The following GPSM1 variants were observed in gnomAD, a reference collection of about 807,000 sequenced individuals.
The protein encoded by GPSM1 is G protein signaling modulator 1, also known as G protein-signaling modulator 1.
Under a neutral mutation model 70.5 loss-of-function variants are expected in GPSM1, and 48 were observed. The observed-to-expected ratio is 0.68, with a 90% CI of 0.54 to 0.87. The LOEUF (loss-of-function observed/expected upper bound fraction) is 0.87. GPSM1 is among the 40% of genes least tolerant of loss of function. The pLI, the probability that GPSM1 is intolerant of heterozygous loss-of-function variation, is 0.00. For missense variants in GPSM1, 981 were observed against 972.6 expected, an observed-to-expected ratio of 1.01 and a Z score of -0.11; for synonymous variants, 416 against 430.1, an observed-to-expected ratio of 0.97 and a Z score of 0.41.
intron 1 of GPSM1, among the ~76,000 whole-genome samples, chr9:136,331,425 G>T (rs1031845640): frequency 6.6e-6 from 1 of 152,044 alleles, no homozygotes; most frequent in Non-Finnish European, 1.5e-5. Context: ...GCTGGGGAGG[G>T]GGCCAGGTGG....
At chr9:136,336,293 C>T (rs1053345705) in intron 3 of GPSM1, among the ~76,000 whole-genome samples, 192 bp downstream of exon 3, 1 of 152,086 alleles carries the variant, frequency 6.6e-6, no homozygotes, top group Non-Finnish European at 1.5e-5. Context: ...CCAGCCCATG[C>T]TGACACTGCA....
intron 4 of GPSM1, 73 bp from the exon 5 acceptor site, chr9:136,337,368 T>A: frequency 1.3e-6 from 2 of 1,540,824 alleles, no homozygotes; most frequent in South Asian, 1.2e-5. Context: ...AGGCCGCTAC[T>A]CAGCTCTTCT....
intron 1 of GPSM1, chr9:136,332,006 G>A (rs1832110986): frequency 7.5e-6 from 3 of 398,432 alleles, no homozygotes; most frequent in Non-Finnish European, 1.3e-5. Flanking sequence ...GGGGCCTGGC[G>A]ATGCCATCCC....
intron 11 of GPSM1, among the ~76,000 whole-genome samples, chr9:136,353,727 G>T (rs1247744084): frequency 6.6e-6 from 1 of 152,208 alleles, no homozygotes; most frequent in African/African-American, 2.4e-5. Context: ...CCTGGGCCCC[G>T]GGTCACCTGG....
At position 136,353,222 on chromosome 9, in the gene GPSM1, C is replaced by T. The variant is rs1302017821; in HGVS notation, c.1456-2468C>T. The T allele has an allele frequency of 4.2e-5, 22 of 523,740 alleles. No individual in the cohort carries two copies. The South Asian group carries it at 1.4e-3, about 33-fold the overall frequency. The allele number at this position is 523,740 out of a possible 1,614,324, so 32.4% of individuals were successfully genotyped here. ...GGGAGCACACGGGCCTCTGTGAAGC[C>T]GGGTGGGGTGGTCTTGGGCCGGGTG... On this transcript the variant is annotated intron_variant, in intron 11 of 13. Transcript: ENST00000440944.
At chr9:136,352,062 C>T (rs1340031361) in intron 11 of GPSM1, among the ~76,000 whole-genome samples, 3 of 147,578 alleles carry the variant, frequency 2.0e-5, no homozygotes, top group Admixed American at 2.0e-4. Flanking sequence ...AATACTGCGC[C>T]GTTGCTGTTG....
rs782323759 is a variant in GPSM1 at position 136,337,558 on chromosome 9, C to T, written c.696C>T (p.His232=). The part of the protein sequence containing the change: ...LGNFTEATTF[H]KERLAIAKEF... ...ACTTCACAGAGGCCACGACCTTCCACAAGGAGGTGAGCCGGGCAGGGTGAC... is the reference window on the plus strand; with the variant it reads ...ACTTCACAGAGGCCACGACCTTCCATAAGGAGGTGAGCCGGGCAGGGTGAC... The change falls in exon 5 of 14, where the codon CAC becomes CAT. Residue 232 remains histidine (H), a synonymous_variant. Transcript: ENST00000440944. The T allele has an allele frequency of 2.7e-5, 42 of 1,556,742 alleles. 1 individual carries two copies. Among genetic ancestry groups the T allele is most frequent in the Middle Eastern group, 1.7e-4 (1 of 6,016 alleles).
At chr9:136,337,802 C>A (rs369139451) in intron 5 of GPSM1, 44 bp from the exon 6 acceptor site, 1 of 1,467,408 alleles carries the variant, frequency 6.8e-7, no homozygotes, top group Non-Finnish European at 9.5e-7. Flanking sequence ...CGTCAGGCCC[C>A]GGGGCTGCGC....
chr9:136,353,662 G>A (rs1832732345), intron 11 of GPSM1, among the ~76,000 whole-genome samples: 1 of 152,206 alleles, frequency 6.6e-6, no homozygotes, highest in Non-Finnish European at 1.5e-5. Context: ...CATGGGGCCT[G>A]GGACATGGCC....
rs782159569 is a variant in GPSM1 at position 136,349,759 on chromosome 9, G to C, written c.1451G>C (p.Arg484Pro). The C allele has an allele frequency of 1.3e-6, 2 of 1,576,806 alleles. No individual in the cohort carries two copies. The highest frequency in any genetic ancestry group is 1.3e-5 in the African/African-American group (1 of 74,280). ...DSADVRVHVP[R>P]TSIPRAPSSD... ...GCCGACGTCCGGGTGCACGTGCCACGCACGGTAGGCGTCTTTGACGGCAGA... is the reference window on the plus strand; with the variant it reads ...GCCGACGTCCGGGTGCACGTGCCACCCACGGTAGGCGTCTTTGACGGCAGA... Residue 484 changes from arginine (R) to proline (P), a missense_variant, in exon 11 of 14, where the codon CGC (arginine) becomes CCC (proline). By Grantham distance (103) the Arg-to-Pro change is moderately radical (BLOSUM62 -2). Coordinates refer to ENST00000440944, the MANE Select transcript of GPSM1 (RefSeq NM_001145638.3).
intron 10 of GPSM1, 134 bp downstream of exon 10, chr9:136,348,901 A>AG: frequency 1.5e-6 from 1 of 666,682 alleles, no homozygotes; most frequent in Non-Finnish European, 2.6e-6. Context: ...CCTCGGCCTG[A>AG]TGCCCTGCAT....
In GPSM1 at chr9:136,341,778, C is replaced by T. The variant is rs2131402564; in HGVS notation, c.1207+785C>T. On this transcript the variant is annotated intron_variant, in intron 9 of 13. Coordinates refer to ENST00000440944, the MANE Select transcript of GPSM1 (RefSeq NM_001145638.3). The surrounding 1 kb of genome is among the most constrained non-coding windows in gnomAD (Gnocchi z 6.7). ...GGGAACACCAGGCTTGGATGTGGTG[C>T]TGGGCTGCCGGAGTTTCTTTTTCTT... 1.0e-6 allele frequency: 1 copy of T among 985,254 alleles called. No individual in the cohort carries two copies. The highest frequency in any genetic ancestry group is 1.2e-6 in the Non-Finnish European group (1 of 829,824). The allele number at this position is 985,254 out of a possible 1,614,324, so 61.0% of individuals were successfully genotyped here.
chr9:136,334,911 T>C (rs1394939641), intron 2 of GPSM1, among the ~76,000 whole-genome samples: 1 of 152,112 alleles, frequency 6.6e-6, no homozygotes, highest in Non-Finnish European at 1.5e-5. Flanking sequence ...AGGTGGACGC[T>C]TCCTGTCCTC....
chr9:136,335,172 T>TGGCCCCA (rs1479290525), intron 2 of GPSM1, among the ~76,000 whole-genome samples: 5 of 152,040 alleles, frequency 3.3e-5, no homozygotes, highest in East Asian at 1.9e-4. Context: ...ACCCTTTCCC[T>TGGCCCCA]GGCCCCAGGC....
chr9:136,333,242 C>T (rs547900402), intron 1 of GPSM1, among the ~76,000 whole-genome samples: 138 of 152,300 alleles, frequency 9.1e-4, no homozygotes, highest in African/African-American at 2.9e-3. Context: ...GATGGGGGCC[C>T]GCCTGCTCAC....
rs1564361540 is a variant in GPSM1, at chr9:136,358,656, T to G, written c.*436T>G. On this transcript the variant is annotated 3_prime_UTR_variant, in exon 14 of 14. Transcript: ENST00000440944. ...TGTTCTGTCCCCCCAGAGCTGGTCT[T>G]GGGATGGCCGTGTGACAGGCATGCT... The G allele has an allele frequency of 4.2e-6, 1 of 240,604 alleles. No individual in the cohort carries two copies. Among genetic ancestry groups the G allele is most frequent in the Non-Finnish European group, 8.0e-6 (1 of 124,536 alleles). 14.9% of individuals were successfully genotyped at this position (240,604 alleles called of 1,614,324 possible).
chr9:136,357,907 G>C (rs1167660436), intron 13 of GPSM1, 107 bp from the exon 14 acceptor site: 11 of 805,390 alleles, frequency 1.4e-5, no homozygotes, highest in Non-Finnish European at 2.0e-5. Context: ...TGGACAGGGG[G>C]AAGCCCGTGA....
chr9:136,341,139 C>A lies in GPSM1; in HGVS notation c.1207+146C>A. The stretch of plus-strand genomic sequence containing the variant: ...CGCCTACAAGCCAGTTCTTCTTGGC[C>A]TCAGGGACAGCACAGGCCTGAGGTT... On this transcript the variant is annotated intron_variant, in intron 9 of 13. Coordinates refer to ENST00000440944, the MANE Select transcript of GPSM1 (RefSeq NM_001145638.3). The surrounding 1 kb of genome is among the most constrained non-coding windows in gnomAD (Gnocchi z 6.7). 1 of 1,550,128 alleles carries A rather than the reference C, an allele frequency of 6.5e-7. No individual in the cohort carries two copies. Among genetic ancestry groups the A allele is most frequent in the Non-Finnish European group, 8.7e-7 (1 of 1,146,872 alleles).
intron 9 of GPSM1, 27 bp from the exon 10 acceptor site, chr9:136,348,670 G>A (rs1832583625): frequency 6.3e-7 from 1 of 1,589,590 alleles, no homozygotes; most frequent in Non-Finnish European, 8.6e-7. Context: ...GGGTGGTGCT[G>A]GGCTGACCGG....
Sources: gnomAD v4.1 joint callset for allele counts (sites outside exome capture counted in the v4.1 genomes callset) on GRCh38, gnomAD v4.1.1 for gene constraint, Gnocchi (gnomAD v3.1) non-coding constraint, MANE v1.5 for transcripts, NCBI Gene and HGNC (gene_info 2026-07-23, HGNC 2026-07-21) for gene names.